Variants in PCDHA1 observed in about 807,000 individuals in gnomAD.
The protein encoded by PCDHA1 is protocadherin alpha 1, also known as protocadherin alpha-1.
Under a neutral mutation model 61.3 loss-of-function variants are expected in PCDHA1, and 42 were observed. The ratio of observed to expected loss-of-function variants is 0.69; its 90% CI spans 0.54 to 0.89. The LOEUF is 0.89. Ranked by LOEUF, PCDHA1 falls within the 40% of genes least tolerant of loss-of-function variation. The pLI is 0.00. For missense variants in PCDHA1, 1,256 were observed against 1,235.3 expected (o/e 1.02, Z -0.25); for synonymous variants, 610 against 553.8 (o/e 1.10, Z -1.43).
intron 1 of PCDHA1, chr5:140,856,523 G>T: frequency 6.3e-7 from 1 of 1,598,526 alleles, no homozygotes; most frequent in Non-Finnish European, 8.6e-7. Context: ...CGCATCTGAT[G>T]CGGATGTTGG....
intron 1 of PCDHA1, chr5:140,809,635 A>T: frequency 6.6e-7 from 1 of 1,504,040 alleles, no homozygotes; most frequent in Non-Finnish European, 8.9e-7. Flanking sequence ...CTTCTTCGTA[A>T]ATTTATTTCT....
chr5:140,890,995 A>C (rs1554184607), intron 1 of PCDHA1, among the ~76,000 whole-genome samples: 2 of 152,138 alleles, frequency 1.3e-5, no homozygotes, highest in Non-Finnish European at 1.5e-5. Context: ...ATTTCATCAT[A>C]ATTATTGAAA....
Position 140,823,972 on chromosome 5 carries a change from C to T in PCDHA1, c.2394+35288C>T, listed in dbSNP as rs140039635. On this transcript the variant is annotated intron_variant, in intron 1 of 3. Coordinates refer to ENST00000504120, the MANE Select transcript of PCDHA1 (RefSeq NM_018900.4). ...GCAGCCCACCGAGGCCGTGTGCACA[C>T]GGGGCAAGCCCACTCTGTTGTGCTC... 56 of 1,613,990 alleles carry T rather than the reference C, an allele frequency of 3.5e-5. No individual in the cohort carries two copies. Among genetic ancestry groups the T allele is most frequent in the Non-Finnish European group, 4.2e-5 (50 of 1,180,016 alleles).
Position 140,979,023 on chromosome 5 carries a change from C to G in PCDHA1, c.2453+16C>G, listed in dbSNP as rs2096831948. On this transcript the variant is annotated intron_variant, in intron 2 of 3. Transcript: ENST00000504120. ...GCATGCACAGGTATGTATTTCCCTC[C>G]TCATTCACTCAGAAGTAACCTTAAC... The G allele has an allele frequency of 6.2e-7, 1 of 1,613,422 alleles. No homozygotes were observed.
At chr5:141,006,678 T>C (rs1554260866) in intron 3 of PCDHA1, among the ~76,000 whole-genome samples, 1 of 151,754 alleles carries the variant, frequency 6.6e-6, no homozygotes, top group Non-Finnish European at 1.5e-5. Flanking sequence ...GCAGTGAAAA[T>C]TGGGAGAAGA....
At chr5:140,967,051 G>T in intron 1 of PCDHA1, 12 of 1,612,562 alleles carry the variant, frequency 7.4e-6, no homozygotes, top group Non-Finnish European at 9.3e-6. Context: ...TGGACCTGAC[G>T]AGTGGAGCGC....
At chr5:140,841,378 G>A in intron 1 of PCDHA1, 1 of 1,613,450 alleles carries the variant, frequency 6.2e-7, no homozygotes, top group Non-Finnish European at 8.5e-7. Context: ...TCTTGCTTCT[G>A]CTCCTCGCAG....
At position 140,787,629 on chromosome 5, in the gene PCDHA1, G is replaced by A. The variant is rs1554117901; in HGVS notation, c.1339G>A (p.Asp447Asn). 1 of 1,614,068 alleles carries A rather than the reference G, an allele frequency of 6.2e-7. No individual in the cohort carries two copies. The change falls in exon 1 of 4, where the codon GAC becomes AAC. Residue 447 changes from aspartate to asparagine, a missense_variant. By Grantham distance (23) the Asp-to-Asn change is conservative. Transcript: ENST00000504120. ...ATARVSVEVA[D>N]VNDNAPAFAQ... ...GGCCAGGGTGTCCGTGGAGGTGGCC[G>A]ACGTGAATGACAACGCGCCTGCGTT...
At chr5:140,925,108 G>GAAGGAA (rs2082318586) in intron 1 of PCDHA1, among the ~76,000 whole-genome samples, 1 of 124,702 alleles carries the variant, frequency 8.0e-6, no homozygotes, top group African/African-American at 3.3e-5. Context: ...GAAGGAAGGA[G>GAAGGAA]GGAAGGAAGG....
chr5:140,927,110 G>A, intron 1 of PCDHA1: 2 of 1,613,752 alleles, frequency 1.2e-6, no homozygotes, highest in Non-Finnish European at 1.7e-6. Flanking sequence ...CTACCCAGCG[G>A]CAATTTGGTG....
At position 140,899,912 on chromosome 5, in the gene PCDHA1, A is replaced by G. The variant is rs574794282; in HGVS notation, c.2395-79037A>G. The stretch of plus-strand genomic sequence containing the variant: ...AGCCTTGACATCCTGGGCTCAAGCA[A>G]TCCTCCTGCCTCAGCCTCCTGAATA... On this transcript the variant is annotated intron_variant, in intron 1 of 3. Transcript: ENST00000504120. Among the ~76,000 whole-genome samples the G allele has an allele frequency of 2.0e-5, 3 of 152,154 alleles. No homozygotes were observed. In the East Asian group the frequency reaches 5.8e-4, roughly 29 times the overall value.
intron 3 of PCDHA1, among the ~76,000 whole-genome samples, chr5:140,987,959 C>T (rs1222591572): frequency 1.3e-5 from 2 of 152,132 alleles, no homozygotes; most frequent in South Asian, 2.1e-4. Context: ...AAACCAACTC[C>T]CCATGGAAAG....
intron 1 of PCDHA1, among the ~76,000 whole-genome samples, chr5:140,978,085 C>T (rs1056593415): frequency 2.2e-4 from 33 of 152,186 alleles, no homozygotes; most frequent in African/African-American, 8.0e-4. Flanking sequence ...AGCTTCTAAC[C>T]AGCACATAAC....
intron 1 of PCDHA1, chr5:140,927,108 C>A (rs782811125): frequency 6.2e-7 from 1 of 1,613,646 alleles, no homozygotes; most frequent in Non-Finnish European, 8.5e-7. Context: ...ATCTACCCAG[C>A]GGCAATTTGG....
chr5:140,882,071 A>T (rs2058936449), intron 1 of PCDHA1: 4 of 864,074 alleles, frequency 4.6e-6, no homozygotes, highest in Admixed American at 2.9e-5. Context: ...GTTCATGCGC[A>T]TGGTGTCGCT....
chr5:140,819,898 T>A (rs1766647840), intron 1 of PCDHA1, among the ~76,000 whole-genome samples: 1 of 152,042 alleles, frequency 6.6e-6, no homozygotes, highest in African/African-American at 2.4e-5. Context: ...CTCTGCAGAT[T>A]ACAATGTACA....
intron 1 of PCDHA1, among the ~76,000 whole-genome samples, chr5:140,943,172 C>T (rs1370908273): frequency 2.7e-5 from 4 of 148,068 alleles, no homozygotes; most frequent in African/African-American, 1.0e-4. Context: ...GCAGGAAAAT[C>T]GCTTGAACCC....
intron 1 of PCDHA1, chr5:140,851,076 A>G: frequency 7.5e-7 from 1 of 1,337,516 alleles, no homozygotes; most frequent in Non-Finnish European, 9.8e-7. Flanking sequence ...AGAATTATAA[A>G]CTGTATATTA....
chr5:140,803,649 T>C (rs539044663), intron 1 of PCDHA1: 2 of 1,612,388 alleles, frequency 1.2e-6, no homozygotes, highest in South Asian at 2.2e-5. Context: ...CCTCAATGTT[T>C]CCACTCCTCT....
Sources: allele counts gnomAD v4.1 joint callset (sites outside exome capture counted in the v4.1 genomes callset), GRCh38; gene constraint gnomAD v4.1.1; transcripts MANE v1.5; gene names NCBI Gene and HGNC (gene_info 2026-07-23, HGNC 2026-07-21).